Variants in RPSA2 observed in about 807,000 individuals in gnomAD.
The protein encoded by RPSA2 is ribosomal protein SA 2, also known as small ribosomal subunit protein uS2B.
the RPSA2 span, among the ~76,000 whole-genome samples, chr19:23,805,871 T>A: frequency 6.6e-6 from 1 of 152,090 alleles, no homozygotes; most frequent in Non-Finnish European, 1.5e-5. Context: ...TTTCTATATA[T>A]CACAGACTTC....
the RPSA2 span, chr19:23,833,184 A>G: frequency 2.1e-3 from 2,515 of 1,188,108 alleles, 44 homozygotes; most frequent in African/African-American, 0.036. Flanking sequence ...CCTCAGCCCT[A>G]ACTAAACATA....
At chr19:23,773,465 G>A in the RPSA2 span, among the ~76,000 whole-genome samples, 1 of 151,906 alleles carries the variant, frequency 6.6e-6, no homozygotes, top group Admixed American at 6.6e-5. Context: ...TGTATTTTTA[G>A]TAGAGATGGA....
the RPSA2 span, among the ~76,000 whole-genome samples, chr19:23,829,019 T>C: frequency 6.6e-6 from 1 of 152,166 alleles, no homozygotes; most frequent in Non-Finnish European, 1.5e-5. Flanking sequence ...TTGATGTCCT[T>C]CTTTGTTTCT....
the RPSA2 span, among the ~76,000 whole-genome samples, chr19:23,763,397 G>A: frequency 6.6e-6 from 1 of 152,364 alleles, no homozygotes; most frequent in Admixed American, 6.5e-5. Context: ...GTTCAGGGAT[G>A]CCAGGCGGGT....
At chr19:23,783,479 A>C in the RPSA2 span, among the ~76,000 whole-genome samples, 619 of 151,612 alleles carry the variant, frequency 4.1e-3, 1 homozygote, top group African/African-American at 0.014. Flanking sequence ...GAAATACTCT[A>C]ATACATCTTT....
the RPSA2 span, among the ~76,000 whole-genome samples, chr19:23,793,565 C>CTT: frequency 6.9e-6 from 1 of 145,918 alleles, no homozygotes. Flanking sequence ...AAGCAATCTT[C>CTT]TTTTTTTTTT....
chr19:23,824,106 G>A, the RPSA2 span, among the ~76,000 whole-genome samples: 1 of 152,186 alleles, frequency 6.6e-6, no homozygotes, highest in African/African-American at 2.4e-5. Flanking sequence ...GTGCATGGTG[G>A]CCATCTAGTG....
the RPSA2 span, among the ~76,000 whole-genome samples, chr19:23,853,426 C>G: frequency 6.6e-6 from 1 of 151,994 alleles, no homozygotes; most frequent in East Asian, 1.9e-4. Flanking sequence ...CAAGTTGTAA[C>G]TATTCAGAAA....
At chr19:23,822,562 G>GC in the RPSA2 span, among the ~76,000 whole-genome samples, 3 of 152,114 alleles carry the variant, frequency 2.0e-5, no homozygotes, top group South Asian at 2.1e-4. Context: ...AAAGTCTGTT[G>GC]CCCCCCTTGG....
chr19:23,831,810 GT>G, the RPSA2 span: 2 of 306,634 alleles, frequency 6.5e-6, no homozygotes, highest in African/African-American at 4.5e-5. Flanking sequence ...GTATTTCAAT[GT>G]GGTAAATGTT....
chr19:23,817,281 C>T, the RPSA2 span, among the ~76,000 whole-genome samples: 2 of 152,122 alleles, frequency 1.3e-5, no homozygotes, highest in African/African-American at 2.4e-5. Context: ...ACTCGGGAGG[C>T]TGAGGCAGGA....
the RPSA2 span, among the ~76,000 whole-genome samples, chr19:23,859,880 G>A: frequency 6.6e-6 from 1 of 152,082 alleles, no homozygotes; most frequent in African/African-American, 2.4e-5. Context: ...CCCTGTTAGG[G>A]AAGATTAAAC....
the RPSA2 span, among the ~76,000 whole-genome samples, chr19:23,809,736 ATG>A: frequency 7.1e-4 from 5 of 7,036 alleles, no homozygotes; most frequent in East Asian, 0.11. Context: ...TGTACTGTTT[ATG>A]TTTTTTTTTT....
the RPSA2 span, chr19:23,833,401 T>G: frequency 5.8e-6 from 1 of 171,098 alleles, no homozygotes; most frequent in Non-Finnish European, 1.2e-5. Flanking sequence ...CTGAAAGATG[T>G]GCCAATGCTT....
chr19:23,780,714 C>G, the RPSA2 span, among the ~76,000 whole-genome samples: 2 of 152,172 alleles, frequency 1.3e-5, no homozygotes, highest in African/African-American at 4.8e-5. Context: ...GAGATGGTAA[C>G]TCTATAAGAT....
At chr19:23,772,652 T>C in the RPSA2 span, among the ~76,000 whole-genome samples, 17 of 152,294 alleles carry the variant, frequency 1.1e-4, no homozygotes, top group East Asian at 3.3e-3. Context: ...AAAAGTGAGC[T>C]TGTTTCTAAT....
chr19:23,827,009 T>C, the RPSA2 span: 6 of 643,900 alleles, frequency 9.3e-6, no homozygotes, highest in Non-Finnish European at 1.4e-5. Context: ...ATATTTCAAA[T>C]TATATCTACT....
chr19:23,819,910 A>T, the RPSA2 span, among the ~76,000 whole-genome samples: 5 of 152,122 alleles, frequency 3.3e-5, no homozygotes, highest in South Asian at 1.0e-3. Flanking sequence ...TAACTGTGTT[A>T]GTTCTTGAAC....
At chr19:23,813,268 G>A in the RPSA2 span, among the ~76,000 whole-genome samples, 8 of 149,472 alleles carry the variant, frequency 5.4e-5, no homozygotes, top group African/African-American at 2.0e-4. Context: ...TTTCAGGTAT[G>A]TTAACTATAT....
Sources: allele counts gnomAD v4.1 joint callset (sites outside exome capture counted in the v4.1 genomes callset), GRCh38; gene constraint gnomAD v4.1.1; transcripts MANE v1.5; gene names NCBI Gene and HGNC (gene_info 2026-07-23, HGNC 2026-07-21).